Variants in OXCT1 observed in about 807,000 individuals in gnomAD.
OXCT1 encodes succinyl-CoA:3-ketoacid coenzyme A transferase 1, mitochondrial.
In OXCT1, 27 loss-of-function variants were observed where a neutral mutation model predicts 69.6. The observed-to-expected ratio is 0.39, with a 90% CI of 0.29 to 0.54. The LOEUF is 0.54. OXCT1 is among the 20% of genes least tolerant of loss of function. The pLI, the probability that OXCT1 is intolerant of heterozygous loss-of-function variation, is 0.72. For synonymous variants in OXCT1, 202 were observed against 217.8 expected (o/e 0.93, Z 0.64); for missense variants, 437 against 650.2 (o/e 0.67, Z 3.57).
chr5:41,824,910 C>T (rs912179746), intron 7 of OXCT1, among the ~76,000 whole-genome samples: 6 of 152,128 alleles, frequency 3.9e-5, no homozygotes, highest in African/African-American at 7.2e-5. Context: ...TTGTCTGTGT[C>T]GGCAAAGCTT....
intron 7 of OXCT1, among the ~76,000 whole-genome samples, chr5:41,836,273 G>C (rs890794931): frequency 6.6e-6 from 1 of 152,210 alleles, no homozygotes; most frequent in African/African-American, 2.4e-5. Flanking sequence ...CATCTCTCTA[G>C]CATGTGTGGC....
chr5:41,821,688 T>G (rs1280570649), intron 7 of OXCT1, among the ~76,000 whole-genome samples: 3 of 152,250 alleles, frequency 2.0e-5, no homozygotes, highest in African/African-American at 4.8e-5. Context: ...AATTCCCTAA[T>G]GATATGATGT....
chr5:41,731,534 A>G lies in OXCT1; in HGVS notation c.*195T>C. On this transcript the variant is annotated 3_prime_UTR_variant, in exon 17 of 17. Transcript: ENST00000196371. ...GCCTTAACAAATGAGATAATTATAAATGCTCCTTTTGCTTTTTATTAAAAT... is the reference window on the plus strand; with the variant it reads ...GCCTTAACAAATGAGATAATTATAAGTGCTCCTTTTGCTTTTTATTAAAAT... 2 of 948,222 alleles carry G rather than the reference A, an allele frequency of 2.1e-6. No individual in the cohort carries two copies. The highest frequency in any genetic ancestry group is 5.6e-5 in the East Asian group (2 of 35,842). 58.7% of individuals were successfully genotyped at this position (948,222 alleles called of 1,614,324 possible). A position where few individuals can be genotyped will look rare whatever the true frequency, so the allele number is the denominator to read the frequency against.
chr5:41,813,396 T>G (rs936456654), intron 7 of OXCT1, among the ~76,000 whole-genome samples: 24 of 152,080 alleles, frequency 1.6e-4, no homozygotes, highest in African/African-American at 5.3e-4. Context: ...AATGTACTAC[T>G]TTAAGAATCT....
intron 1 of OXCT1, among the ~76,000 whole-genome samples, chr5:41,864,909 G>C (rs192034977): frequency 6.6e-6 from 1 of 152,256 alleles, no homozygotes; most frequent in Non-Finnish European, 1.5e-5. Flanking sequence ...GGAAGGGGAA[G>C]AAAATTAAAG....
chr5:41,839,100 CTTAG>C (rs1203859272), intron 7 of OXCT1, among the ~76,000 whole-genome samples: 1 of 152,150 alleles, frequency 6.6e-6, no homozygotes, highest in Non-Finnish European at 1.5e-5. Flanking sequence ...CATTTGCAGG[CTTAG>C]TTAAAGGATT....
At chr5:41,811,322 TA>T (rs1201771531) in intron 7 of OXCT1, among the ~76,000 whole-genome samples, 1 of 152,018 alleles carries the variant, frequency 6.6e-6, no homozygotes, top group Non-Finnish European at 1.5e-5. Context: ...GTGCTTAGCA[TA>T]AAGAATAGAT....
intron 14 of OXCT1, 21 bp from the exon 15 acceptor site, chr5:41,749,628 C>A: frequency 6.6e-7 from 1 of 1,505,452 alleles, no homozygotes; most frequent in South Asian, 1.1e-5. Context: ...AAGAAAACAT[C>A]AAAAAGAGTA....
chr5:41,865,383 G>C (rs555044407), intron 1 of OXCT1, among the ~76,000 whole-genome samples: 1 of 152,298 alleles, frequency 6.6e-6, no homozygotes, highest in South Asian at 2.1e-4. Context: ...TTTTAGGGAA[G>C]ACATGTTTAC....
intron 7 of OXCT1, among the ~76,000 whole-genome samples, chr5:41,816,413 G>A (rs938607858): frequency 2.0e-4 from 31 of 152,150 alleles, no homozygotes; most frequent in African/African-American, 7.5e-4. Flanking sequence ...ACTTTAGCAT[G>A]ATGATCAAAT....
chr5:41,733,908 A>T (rs1258139971), intron 16 of OXCT1, among the ~76,000 whole-genome samples: 2 of 152,242 alleles, frequency 1.3e-5, no homozygotes, highest in Non-Finnish European at 2.9e-5. Context: ...TGATTTAGCT[A>T]TAGAAGACAA....
chr5:41,753,006 G>T (rs1267526634), intron 14 of OXCT1, among the ~76,000 whole-genome samples: 1 of 151,954 alleles, frequency 6.6e-6, no homozygotes, highest in Non-Finnish European at 1.5e-5. Context: ...TTCTTTAGAT[G>T]TCTGAATAAA....
At chr5:41,766,641 T>C (rs969494827) in intron 13 of OXCT1, among the ~76,000 whole-genome samples, 1 of 150,186 alleles carries the variant, frequency 6.7e-6, no homozygotes, top group African/African-American at 2.4e-5. Context: ...ATTTTAAGGA[T>C]TTTACAAAAA....
rs963805545 is a variant in OXCT1 at position 41,730,823 on chromosome 5, A to G, written c.*906T>C. ...CAGAAGAAAAACCGTTGTTCTGTAGAAGTGTCATTCAATATTTAAAATCTC... is the reference window on the plus strand; with the variant it reads ...CAGAAGAAAAACCGTTGTTCTGTAGGAGTGTCATTCAATATTTAAAATCTC... On this transcript the variant is annotated 3_prime_UTR_variant, in exon 17 of 17. Transcript: ENST00000196371. 2 of 152,236 alleles carry G rather than the reference A, an allele frequency of 1.3e-5. No homozygotes were observed. Among genetic ancestry groups the G allele is most frequent in the Admixed American group, 6.5e-5 (1 of 15,284 alleles). The allele number at this position is 152,236 out of a possible 1,614,324, so 9.4% of individuals were successfully genotyped here. A position where few individuals can be genotyped will look rare whatever the true frequency, so the allele number is the denominator to read the frequency against.
At chr5:41,785,466 T>G (rs1745598026) in intron 13 of OXCT1, among the ~76,000 whole-genome samples, 1 of 152,226 alleles carries the variant, frequency 6.6e-6, no homozygotes, top group African/African-American at 2.4e-5. Flanking sequence ...TTTTAAAGAT[T>G]ACTTAAAAGA....
At chr5:41,868,567 C>CA (rs1337409642) in intron 1 of OXCT1, among the ~76,000 whole-genome samples, 3 of 151,934 alleles carry the variant, frequency 2.0e-5, no homozygotes, top group African/African-American at 7.2e-5. Context: ...ACTAAAAATA[C>CA]AAAAAATTAG....
At position 41,800,081 on chromosome 5, in the gene OXCT1, T is replaced by C. The variant is rs955541614; in HGVS notation, c.1099+941A>G. Among the ~76,000 whole-genome samples, 10 of 152,288 alleles carry C rather than the reference T, an allele frequency of 6.6e-5. No individual in the cohort carries two copies. The South Asian group carries it at 2.1e-3, about 32-fold the overall frequency. On this transcript the variant is annotated intron_variant, in intron 11 of 16. Transcript: ENST00000196371. ...TATGGCTCCAAAGTGGTGGCAGTGT[T>C]GCCTCAAGCATAGGCAGTGAAGATG...
At chr5:41,807,285 C>T (rs200415477) in intron 8 of OXCT1, 46 bp downstream of exon 8, 3 of 1,029,816 alleles carry the variant, frequency 2.9e-6, no homozygotes, top group Non-Finnish European at 4.6e-6. Flanking sequence ...TGCACTATCT[C>T]TGTAACTGGA....
rs531125877 is a variant in OXCT1 at position 41,815,899 on chromosome 5, G to A, written c.733-8461C>T. On this transcript the variant is annotated intron_variant, in intron 7 of 16. Coordinates refer to ENST00000196371, the MANE Select transcript of OXCT1 (RefSeq NM_000436.4). ...GGTAATGCCAACTAAAATTTAAAAT[G>A]TTACTCTAAGACTATTTCCAAATGT... Among the ~76,000 whole-genome samples the A allele has an allele frequency of 5.3e-4, 81 of 152,238 alleles. No homozygotes were observed. The South Asian group carries it at 5.8e-3, about 11-fold the overall frequency.
Sources: allele counts gnomAD v4.1 joint callset (sites outside exome capture counted in the v4.1 genomes callset), GRCh38; gene constraint gnomAD v4.1.1; transcripts MANE v1.5; gene names NCBI Gene and HGNC (gene_info 2026-07-23, HGNC 2026-07-21).